MRPS28: variants seen among roughly 807,000 people sequenced by gnomAD.
The protein encoded by MRPS28 is mitochondrial ribosomal protein S28, also known as small ribosomal subunit protein bS1m.
MRPS28 carries 7 observed loss-of-function variants against 10.8 expected under a neutral mutation model. The ratio of observed to expected loss-of-function variants is 0.65; its 90% CI spans 0.37 to 1.22. The LOEUF (loss-of-function observed/expected upper bound fraction) is 1.22, where lower values mean the gene tolerates loss of function less well. Ranked by LOEUF, MRPS28 falls within the 50% of genes most tolerant of loss-of-function variation. The probability of loss-of-function intolerance (pLI) is 0.02; values close to 1 mark genes in which losing one functional copy is unlikely to be tolerated. For missense variants in MRPS28, 265 were observed against 232.9 expected, an observed-to-expected ratio of 1.14 and a Z score of -0.90; for synonymous variants, 121 against 93.3, an observed-to-expected ratio of 1.30 and a Z score of -1.71.
intron 2 of MRPS28, among the ~76,000 whole-genome samples, chr8:79,986,359 T>C (rs1052588876): frequency 1.2e-4 from 19 of 152,176 alleles, no homozygotes; most frequent in Admixed American, 9.8e-4. Context: ...CTTTGAAAAC[T>C]GGCACAAGGC....
intron 2 of MRPS28, among the ~76,000 whole-genome samples, chr8:79,924,934 T>G (rs1810193076): frequency 1.3e-5 from 2 of 152,220 alleles, no homozygotes; most frequent in Non-Finnish European, 2.9e-5. Context: ...AGACAATCTA[T>G]TGAATAAGTG....
At chr8:79,928,102 T>C (rs1048104461) in intron 2 of MRPS28, among the ~76,000 whole-genome samples, 4 of 151,690 alleles carry the variant, frequency 2.6e-5, no homozygotes, top group East Asian at 1.9e-4. Context: ...GGCAGGAGGA[T>C]AGCTTGAGTC....
chr8:79,928,264 A>G (rs1401524792), intron 2 of MRPS28, among the ~76,000 whole-genome samples: 3 of 152,086 alleles, frequency 2.0e-5, no homozygotes, highest in Admixed American at 2.0e-4. Flanking sequence ...CCAGGAGTTC[A>G]AGTCTGTGGT....
rs944242116 is a variant in MRPS28, at chr8:79,933,239, TC to T, written c.396-14092del. Reference sequence around the variant, plus strand: ...GTCCAAGATCAAGGCTCGGGCCAATTCAATTTCTGGTGAAGGCTCTCTTCCC... The same window carrying T: ...GTCCAAGATCAAGGCTCGGGCCAATTAATTTCTGGTGAAGGCTCTCTTCCC... On this transcript the variant is annotated intron_variant, in intron 2 of 2. Transcript: ENST00000276585. Among the ~76,000 whole-genome samples, 16 of 152,314 alleles carry T rather than the reference TC, an allele frequency of 1.1e-4. No homozygotes were observed. In the South Asian group the frequency reaches 2.5e-3, roughly 24 times the overall value.
chr8:79,962,365 C>G (rs1807394477), intron 2 of MRPS28, among the ~76,000 whole-genome samples: 1 of 152,134 alleles, frequency 6.6e-6, no homozygotes, highest in African/African-American at 2.4e-5. Flanking sequence ...TTACAGGACT[C>G]TGGTTCAAAG....
At position 80,003,031 on chromosome 8, in the gene MRPS28, AT is replaced by A; in HGVS notation, c.362del (p.His121LeufsTer25). ...CCACTTCTGGTCTTCTACATACACA[AT>A]GAAACTTTCCACCAAAATCTATGTA... ...DLYIDFGGKF[H>X]CVCRRPEVDG... On this transcript the variant is annotated frameshift_variant, in exon 2 of 3. Coordinates refer to ENST00000276585, the MANE Select transcript of MRPS28 (RefSeq NM_014018.3). LOFTEE classifies it high-confidence loss of function. 1 of 1,605,492 alleles carries A rather than the reference AT, an allele frequency of 6.2e-7. No individual in the cohort carries two copies. Among genetic ancestry groups the A allele is most frequent in the East Asian group, 2.2e-5 (1 of 44,740 alleles).
At chr8:79,975,224 G>A (rs1205526978) in intron 2 of MRPS28, among the ~76,000 whole-genome samples, 5 of 152,128 alleles carry the variant, frequency 3.3e-5, no homozygotes, top group Non-Finnish European at 2.9e-5. Flanking sequence ...TTGAGCTTGG[G>A]AGGTTGAGGC....
chr8:79,927,294 G>C (rs1326225730), intron 2 of MRPS28, among the ~76,000 whole-genome samples: 1 of 152,148 alleles, frequency 6.6e-6, no homozygotes, highest in Admixed American at 6.5e-5. Context: ...CACAATGCTC[G>C]AGAACATAAC....
At chr8:79,963,569 T>C (rs1046395878) in intron 2 of MRPS28, among the ~76,000 whole-genome samples, 2 of 152,094 alleles carry the variant, frequency 1.3e-5, no homozygotes, top group Admixed American at 1.3e-4. Context: ...CCTGGGAACA[T>C]AGCAGGCACA....
chr8:79,924,872 T>C (rs1296051989), intron 2 of MRPS28, among the ~76,000 whole-genome samples: 1 of 152,188 alleles, frequency 6.6e-6, no homozygotes, highest in Non-Finnish European at 1.5e-5. Context: ...GTTGTTTTTA[T>C]TCCCTAGATG....
chr8:80,024,993 A>C (rs1809460648), intron 1 of MRPS28, among the ~76,000 whole-genome samples: 1 of 152,250 alleles, frequency 6.6e-6, no homozygotes, highest in African/African-American at 2.4e-5. Context: ...GCAGCAGGGA[A>C]GCTAATTCCA....
chr8:79,978,639 C>T (rs1807864220), intron 2 of MRPS28, among the ~76,000 whole-genome samples: 1 of 152,132 alleles, frequency 6.6e-6, no homozygotes, highest in Non-Finnish European at 1.5e-5. Flanking sequence ...ATATTTTTGA[C>T]AATTGAAAAG....
At chr8:79,926,866 G>A (rs1810246628) in intron 2 of MRPS28, among the ~76,000 whole-genome samples, 1 of 152,184 alleles carries the variant, frequency 6.6e-6, no homozygotes, top group African/African-American at 2.4e-5. Flanking sequence ...ACCCAGACCT[G>A]CTGCAGCAAA....
intron 2 of MRPS28, among the ~76,000 whole-genome samples, chr8:79,997,603 C>T (rs1358313975): frequency 6.6e-6 from 1 of 150,840 alleles, no homozygotes. Context: ...ATTCAAGCAG[C>T]AGAGATGGGG....
chr8:80,017,264 A>C lies in MRPS28; in HGVS notation c.213+12772T>G, dbSNP rs552051798. On this transcript the variant is annotated intron_variant, in intron 1 of 2. Transcript: ENST00000276585. ...TGAACTAAATGAAAATGAAAACACAACTTATCTAAAATAAAAATTAGCACA... is the reference window on the plus strand; with the variant it reads ...TGAACTAAATGAAAATGAAAACACACCTTATCTAAAATAAAAATTAGCACA... 2.0e-5 allele frequency among the ~76,000 whole-genome samples: 3 copies of C among 152,336 alleles called. No individual in the cohort carries two copies. In the South Asian group the frequency reaches 6.2e-4, roughly 32 times the overall value.
chr8:80,002,723 A>G (rs1808692079), intron 2 of MRPS28, among the ~76,000 whole-genome samples: 1 of 152,212 alleles, frequency 6.6e-6, no homozygotes, highest in Admixed American at 6.5e-5. Context: ...GCATTATTAC[A>G]AAGTTGGTTT....
Position 80,007,019 on chromosome 8 carries a change from T to C in MRPS28, c.214-3839A>G, listed in dbSNP as rs1461462260. On this transcript the variant is annotated intron_variant, in intron 1 of 2. Transcript: ENST00000276585. The stretch of plus-strand genomic sequence containing the variant: ...TTGATGAACATCGATGCAAAAATCC[T>C]CAATAAAATACTGGCAAACCGAATC... 2.0e-5 allele frequency among the ~76,000 whole-genome samples: 3 copies of C among 152,202 alleles called. No homozygotes were observed. In the East Asian group the frequency reaches 5.8e-4, roughly 29 times the overall value.
intron 1 of MRPS28, among the ~76,000 whole-genome samples, chr8:80,012,890 G>A (rs572144266): frequency 1.0e-3 from 152 of 152,206 alleles, no homozygotes; most frequent in Middle Eastern, 6.8e-3. Flanking sequence ...TATACAGCTT[G>A]GAAACAGGGG....
chr8:80,030,030 C>A lies in MRPS28; in HGVS notation c.213+6G>T. On this transcript the variant is annotated splice_donor_region_variant and intron_variant, in intron 1 of 2. Coordinates refer to ENST00000276585, the MANE Select transcript of MRPS28 (RefSeq NM_014018.3). Reference sequence around the variant, plus strand: ...CGCGACTCCCTCTCACCCGCCCGGGCTCCACCTTCTGTAGGGGCTCCACCT... The same window carrying A: ...CGCGACTCCCTCTCACCCGCCCGGGATCCACCTTCTGTAGGGGCTCCACCT... 1 of 1,612,188 alleles carries A rather than the reference C, an allele frequency of 6.2e-7. No homozygotes were observed. Among genetic ancestry groups the A allele is most frequent in the Non-Finnish European group, 8.5e-7 (1 of 1,179,110 alleles).
Sources: allele counts gnomAD v4.1 joint callset (sites outside exome capture counted in the v4.1 genomes callset), GRCh38; gene constraint gnomAD v4.1.1; transcripts MANE v1.5; gene names NCBI Gene and HGNC (gene_info 2026-07-23, HGNC 2026-07-21).